The following SCOC variants were observed in gnomAD, a reference collection of about 807,000 sequenced individuals.
SCOC encodes short coiled coil protein.
In SCOC, 7 loss-of-function variants were observed where a neutral mutation model predicts 9.9. The observed-to-expected ratio is 0.71, with a 90% CI of 0.40 to 1.33. The LOEUF (loss-of-function observed/expected upper bound fraction) is 1.33. SCOC is among the 40% of genes most tolerant of loss of function. SCOC has a pLI of 0.01. For synonymous variants in SCOC, 19 were observed against 28.2 expected (o/e 0.67, Z 1.03); for missense variants, 66 against 89.7 (o/e 0.74, Z 1.07).
intron 1 of SCOC, among the ~76,000 whole-genome samples, chr4:140,297,088 T>C (rs1218596254): frequency 6.6e-6 from 1 of 152,184 alleles, no homozygotes; most frequent in Non-Finnish European, 1.5e-5. Context: ...TGAATCACAT[T>C]TTCTGCCCTA....
chr4:140,289,081 A>G (rs536500124), intron 1 of SCOC, among the ~76,000 whole-genome samples: 1 of 152,310 alleles, frequency 6.6e-6, no homozygotes, highest in Admixed American at 6.5e-5. Flanking sequence ...CACAGATGCT[A>G]GGAGACACAA....
In SCOC at chr4:140,320,417, T is replaced by C. The variant is rs1421357408; in HGVS notation, c.-18-23204T>C. ...TAGCCATTCTTTTATGCCTCTACTTTCTTAATAAACTGCTTTCACTTTACT... is the reference window on the plus strand; with the variant it reads ...TAGCCATTCTTTTATGCCTCTACTTCCTTAATAAACTGCTTTCACTTTACT... On this transcript the variant is annotated intron_variant, in intron 1 of 4. Transcript: ENST00000394205. Among the ~76,000 whole-genome samples, 3 of 152,200 alleles carry C rather than the reference T, an allele frequency of 2.0e-5. No homozygotes were observed. In the East Asian group the frequency reaches 5.8e-4, roughly 29 times the overall value.
chr4:140,321,058 CAA>C (rs1193979336), intron 1 of SCOC, among the ~76,000 whole-genome samples: 1 of 152,114 alleles, frequency 6.6e-6, no homozygotes, highest in African/African-American at 2.4e-5. Flanking sequence ...AGGGGAGACT[CAA>C]AACCAAGAGA....
intron 2 of SCOC, among the ~76,000 whole-genome samples, chr4:140,348,698 T>C (rs575524957): frequency 1.6e-4 from 25 of 152,312 alleles, no homozygotes; most frequent in African/African-American, 5.8e-4. Flanking sequence ...ATATTTTCAA[T>C]ATTCTGATTT....
chr4:140,307,694 A>G (rs556127367), intron 1 of SCOC, among the ~76,000 whole-genome samples: 1 of 152,326 alleles, frequency 6.6e-6, no homozygotes, highest in South Asian at 2.1e-4. Flanking sequence ...ATTCAACCAC[A>G]TATGAGTTCT....
At chr4:140,373,381 C>T (rs1159409045), upstream of SCOC, 3 of 1,454,048 alleles carry the variant, frequency 2.1e-6, no homozygotes, top group African/African-American at 1.4e-5. Flanking sequence ...TTCACCAGCG[C>T]CGCTTAGCTT....
At chr4:140,289,095 T>C (rs1030389363) in intron 1 of SCOC, among the ~76,000 whole-genome samples, 1 of 152,206 alleles carries the variant, frequency 6.6e-6, no homozygotes, top group Non-Finnish European at 1.5e-5. Flanking sequence ...GACACAAATG[T>C]GTCTTGCTAT....
intron 1 of SCOC, among the ~76,000 whole-genome samples, chr4:140,275,080 G>A (rs547131200): frequency 3.3e-5 from 5 of 152,284 alleles, no homozygotes; most frequent in South Asian, 2.1e-4. Context: ...AAACGTAATC[G>A]TAGGTTCATA....
At chr4:140,303,857 T>C (rs570489165) in intron 1 of SCOC, among the ~76,000 whole-genome samples, 4 of 152,340 alleles carry the variant, frequency 2.6e-5, no homozygotes, top group Non-Finnish European at 4.4e-5. Flanking sequence ...TTTAGGGATA[T>C]AGATGATAAA....
At chr4:140,378,466 A>G (rs1235497833) in intron 1 of SCOC, among the ~76,000 whole-genome samples, 1 of 152,240 alleles carries the variant, frequency 6.6e-6, no homozygotes, top group East Asian at 1.9e-4. Flanking sequence ...TAGCCACTCC[A>G]TTAGAAATTA....
At chr4:140,275,629 C>T (rs1443154321) in intron 1 of SCOC, among the ~76,000 whole-genome samples, 3 of 152,138 alleles carry the variant, frequency 2.0e-5, no homozygotes, top group African/African-American at 7.2e-5. Flanking sequence ...GAATTTCAGA[C>T]AAGGGATGGA....
rs575668233 is a variant in SCOC at position 140,365,386 on chromosome 4, T to C, written c.71-13735T>C. ...CAATCTGGCAGAAGGGTTCCAGTTA[T>C]TCAAGACTGCTTTTGACTTCTTGGA... is the stretch of plus-strand genomic sequence containing the variant. On this transcript the variant is annotated intron_variant, in intron 2 of 4. Coordinates refer to the SCOC transcript ENST00000338517. 2.0e-5 allele frequency among the ~76,000 whole-genome samples: 3 copies of C among 152,332 alleles called. No individual in the cohort carries two copies. In the South Asian group the frequency reaches 6.2e-4, roughly 32 times the overall value.
At chr4:140,283,938 G>C (rs1731160106) in intron 1 of SCOC, 1 of 152,184 alleles carries the variant, frequency 6.6e-6, no homozygotes, top group South Asian at 2.1e-4. Context: ...GGAATCTAAA[G>C]CTTTGTGGAT....
At chr4:140,366,803 G>A (rs1578868737) in intron 2 of SCOC, 14 of 1,125,132 alleles carry the variant, frequency 1.2e-5, no homozygotes, top group South Asian at 8.6e-5. Context: ...TTTCTGGCAC[G>A]AGGTCCAGAG....
At chr4:140,371,030 C>T (rs1183050210), upstream of SCOC, among the ~76,000 whole-genome samples, 1 of 151,884 alleles carries the variant, frequency 6.6e-6, no homozygotes, top group African/African-American at 2.4e-5. Context: ...GGACTACAGG[C>T]GCCCGCCACC....
chr4:140,276,570 G>A (rs114967888), intron 1 of SCOC, among the ~76,000 whole-genome samples: 307 of 151,586 alleles, frequency 2.0e-3, no homozygotes, highest in African/African-American at 6.8e-3. Context: ...TTCTCTCTGC[G>A]TCAGCCTCCT....
intron 1 of SCOC, among the ~76,000 whole-genome samples, chr4:140,304,755 T>C (rs1731915805): frequency 6.6e-6 from 1 of 152,322 alleles, no homozygotes; most frequent in South Asian, 2.1e-4. Context: ...TTTGGTGCAG[T>C]GTTCCCCATG....
At chr4:140,362,206 C>T (rs1727516637) in intron 2 of SCOC, among the ~76,000 whole-genome samples, 1 of 107,202 alleles carries the variant, frequency 9.3e-6, no homozygotes, top group Non-Finnish European at 2.1e-5. Flanking sequence ...TACTAACTAT[C>T]CTGGTAATTA....
rs7685561 is a variant in SCOC, at chr4:140,273,873, T to C, written c.-19+16463T>C. ...CAAAAGTGTAACAGTTTAAAGCTTA[T>C]AATAATCATGTTCAAACATATTCAG... On this transcript the variant is annotated intron_variant, in intron 1 of 4. Transcript: ENST00000394205. Among the ~76,000 whole-genome samples the C allele has an allele frequency of 3.3e-3, 498 of 152,354 alleles. 3 individuals carry two copies. The highest frequency in any genetic ancestry group is 0.011 in the African/African-American group (476 of 41,574).
Sources: allele counts gnomAD v4.1 joint callset (sites outside exome capture counted in the v4.1 genomes callset), GRCh38; gene constraint gnomAD v4.1.1; transcripts MANE v1.5; gene names NCBI Gene and HGNC (gene_info 2026-07-23, HGNC 2026-07-21).